Variants in DAB1 observed in about 807,000 individuals in gnomAD.
DAB1 encodes the protein DAB adaptor protein 1.
A neutral mutation model predicts 64.6 loss-of-function variants in DAB1; 15 were observed. The observed-to-expected ratio is 0.23, with a 90% CI of 0.16 to 0.36. DAB1 has a LOEUF of 0.36. Ranked by LOEUF, DAB1 falls within the 10% of genes least tolerant of loss-of-function variation. DAB1 has a pLI of 1.00. For missense variants in DAB1, 596 were observed against 706.7 expected (o/e 0.84, Z 1.78); for synonymous variants, 235 against 251.9 (o/e 0.93, Z 0.64).
intron 6 of DAB1, among the ~76,000 whole-genome samples, chr1:57,671,446 T>C (rs1646509172): frequency 6.6e-6 from 1 of 151,982 alleles, no homozygotes; most frequent in Non-Finnish European, 1.5e-5. Context: ...TTCTAAGGAG[T>C]CAGACTCAGT....
intron 1 of DAB1, among the ~76,000 whole-genome samples, chr1:57,313,370 T>G (rs1362189555): frequency 6.6e-6 from 1 of 152,180 alleles, no homozygotes; most frequent in African/African-American, 2.4e-5. Flanking sequence ...TTACAAAATG[T>G]GTTAAAAAAA....
rs115352927 is a variant in DAB1, at chr1:57,529,667, A to G, written n.625+119925T>C. Among the ~76,000 whole-genome samples, 985 of 152,282 alleles carry G rather than the reference A, an allele frequency of 6.5e-3. 12 individuals carry two copies. Among genetic ancestry groups the G allele is most frequent in the African/African-American group, 0.023 (943 of 41,578 alleles). On this transcript the variant is annotated intron_variant and non_coding_transcript_variant, in intron 7 of 20. Coordinates refer to the DAB1 transcript ENST00000485760. ...TAATAATTAAAGAAAAGGTCAATTCATCAGGAAGCTATAACAATCTGAAAC... is the reference window on the plus strand; with the variant it reads ...TAATAATTAAAGAAAAGGTCAATTCGTCAGGAAGCTATAACAATCTGAAAC...
intron 2 of DAB1, among the ~76,000 whole-genome samples, chr1:57,161,397 G>T (rs11206980): frequency 0.049 from 7,437 of 152,152 alleles, 647 homozygotes; most frequent in African/African-American, 0.17. Context: ...CAGCCATCCT[G>T]GGCAGCTGGG....
At chr1:57,834,227 G>C (rs973032584) in intron 1 of DAB1, among the ~76,000 whole-genome samples, 2 of 152,074 alleles carry the variant, frequency 1.3e-5, no homozygotes, top group African/African-American at 4.8e-5. Flanking sequence ...AGAAATGGCT[G>C]GTGTGAAGTA....
chr1:57,392,629 CA>C (rs1455785900), intron 1 of DAB1, among the ~76,000 whole-genome samples: 1 of 152,182 alleles, frequency 6.6e-6, no homozygotes, highest in Admixed American at 6.5e-5. Flanking sequence ...TTTGAGAAAA[CA>C]GGAGAAATAT....
chr1:57,604,360 G>A (rs527362475), intron 7 of DAB1, among the ~76,000 whole-genome samples: 48 of 151,364 alleles, frequency 3.2e-4, no homozygotes, highest in African/African-American at 1.1e-3. Context: ...TTAAAATTAT[G>A]TAGAAAACTA....
rs752458285 is a variant in DAB1 at position 58,181,067 on chromosome 1, T to A, written n.310-30479A>T. On this transcript the variant is annotated intron_variant and non_coding_transcript_variant, in intron 4 of 20. Coordinates refer to the DAB1 transcript ENST00000485760. Reference sequence around the variant, plus strand: ...GGCCTATCAATTATTAAGAGTATGATATTGAGATCTCCAACTATTATTACA... The same window carrying A: ...GGCCTATCAATTATTAAGAGTATGAAATTGAGATCTCCAACTATTATTACA... Among the ~76,000 whole-genome samples, 49 of 152,170 alleles carry A rather than the reference T, an allele frequency of 3.2e-4. 1 individual carries two copies. Among genetic ancestry groups the A allele is most frequent in the Middle Eastern group, 3.2e-3 (1 of 316 alleles).
chr1:58,293,520 C>T (rs1025633771), intron 4 of DAB1, among the ~76,000 whole-genome samples: 7 of 152,142 alleles, frequency 4.6e-5, no homozygotes, highest in African/African-American at 1.4e-4. Context: ...AAATAAAGCC[C>T]GCACAGCAAT....
chr1:57,570,365 G>C (rs1645179557), intron 7 of DAB1, among the ~76,000 whole-genome samples: 1 of 149,208 alleles, frequency 6.7e-6, no homozygotes, highest in Admixed American at 6.8e-5. Flanking sequence ...GGGGCCTTGT[G>C]ATTACGTGAG....
At chr1:57,017,832 C>T (rs3820580) in intron 11 of DAB1, among the ~76,000 whole-genome samples, 39,261 of 152,030 alleles carry the variant, frequency 0.26, 5,859 homozygotes, top group East Asian at 0.38. Flanking sequence ...AATCTACCAA[C>T]AGATGAAGAA....
chr1:57,106,925 A>G (rs531682860), intron 4 of DAB1, among the ~76,000 whole-genome samples: 1 of 152,342 alleles, frequency 6.6e-6, no homozygotes, highest in African/African-American at 2.4e-5. Context: ...CAATAGCTAC[A>G]TCTATTGGGG....
intron 7 of DAB1, among the ~76,000 whole-genome samples, chr1:57,482,285 T>C (rs891074165): frequency 6.6e-6 from 1 of 151,986 alleles, no homozygotes; most frequent in Non-Finnish European, 1.5e-5. Flanking sequence ...GAATTTGAAA[T>C]GACATTTTGG....
chr1:58,040,027 G>A (rs1483781920), intron 5 of DAB1, among the ~76,000 whole-genome samples: 1 of 152,124 alleles, frequency 6.6e-6, no homozygotes, highest in African/African-American at 2.4e-5. Flanking sequence ...CGTAGAATAA[G>A]GGGTGGGCAG....
At chr1:57,655,096 T>C (rs1646300625) in intron 6 of DAB1, among the ~76,000 whole-genome samples, 2 of 152,328 alleles carry the variant, frequency 1.3e-5, no homozygotes, top group Middle Eastern at 3.4e-3. Flanking sequence ...TTCCACTAGT[T>C]TTCTATTCCT....
intron 1 of DAB1, among the ~76,000 whole-genome samples, chr1:57,325,937 G>A (rs923241581): frequency 5.9e-5 from 9 of 152,074 alleles, no homozygotes; most frequent in African/African-American, 2.2e-4. Flanking sequence ...TGGTTTCCTT[G>A]TTTCACAAAT....
intron 5 of DAB1, among the ~76,000 whole-genome samples, chr1:58,107,692 C>T (rs1651744452): frequency 6.6e-6 from 1 of 151,978 alleles, no homozygotes; most frequent in South Asian, 2.1e-4. Flanking sequence ...TCTCAGCTCA[C>T]TGCAACCTCT....
chr1:57,432,990 C>T (rs575273610), intron 7 of DAB1, among the ~76,000 whole-genome samples: 8 of 152,202 alleles, frequency 5.3e-5, no homozygotes, highest in Middle Eastern at 6.8e-3. Context: ...TATAATAACA[C>T]AGAAATACAT....
intron 4 of DAB1, among the ~76,000 whole-genome samples, chr1:58,323,074 A>G (rs1469662587): frequency 6.9e-6 from 1 of 144,830 alleles, no homozygotes; most frequent in African/African-American, 2.5e-5. Flanking sequence ...GGAACATCAC[A>G]CATGCGTTCC....
intron 2 of DAB1, among the ~76,000 whole-genome samples, chr1:57,217,711 C>T (rs971077387): frequency 6.6e-6 from 1 of 152,060 alleles, no homozygotes; most frequent in Non-Finnish European, 1.5e-5. Flanking sequence ...AAACTGTTCA[C>T]CCTAATTCAT....
Sources: allele counts gnomAD v4.1 joint callset (sites outside exome capture counted in the v4.1 genomes callset), GRCh38; gene constraint gnomAD v4.1.1; transcripts MANE v1.5; gene names NCBI Gene and HGNC (gene_info 2026-07-23, HGNC 2026-07-21).